TAF4: variants seen among roughly 807,000 people sequenced by gnomAD.
TAF4 encodes transcription initiation factor TFIID subunit 4.
In TAF4, 9 loss-of-function variants were observed where a neutral mutation model predicts 90.3. The ratio of observed to expected loss-of-function variants is 0.10; its 90% CI spans 0.06 to 0.17. The LOEUF is 0.17. TAF4 is among the 10% of genes least tolerant of loss of function. TAF4 has a pLI of 1.00. For missense variants in TAF4, 1,351 were observed against 1,370.7 expected (o/e 0.99, Z 0.23); for synonymous variants, 818 against 638.9 (o/e 1.28, Z -4.23).
intron 1 of TAF4, among the ~76,000 whole-genome samples, chr20:62,038,159 C>T (rs944345028): frequency 5.3e-5 from 8 of 152,040 alleles, no homozygotes; most frequent in African/African-American, 1.7e-4. Context: ...CTCCAGGTGG[C>T]TGGGACTACA....
intron 9 of TAF4, 107 bp from the exon 10 acceptor site, chr20:62,000,828 A>T (rs572930237): frequency 1.6e-6 from 2 of 1,239,946 alleles, no homozygotes; most frequent in East Asian, 4.7e-5. Flanking sequence ...GGCCGTGAGG[A>T]GGCCAGGCCT....
chr20:62,051,947 T>C (rs994291132), intron 1 of TAF4, among the ~76,000 whole-genome samples: 19 of 152,058 alleles, frequency 1.2e-4, no homozygotes, highest in Non-Finnish European at 2.1e-4. Context: ...GGTTGCCGCC[T>C]CCCACCAGGC....
At position 62,064,718 on chromosome 20, in the gene TAF4, C is replaced by T. The variant is rs1261812390; in HGVS notation, c.1093G>A (p.Gly365Ser). Reference protein sequence around the residue: ...PPAAQTLAASGPASTAASMVI... With the variant: ...PPAAQTLAASSPASTAASMVI... ...ATGCTGGCCGCCGTGCTGGCCGGGC[C>T]GCTGGCCGCCAGGGTCTGCGCCGCC... is the stretch of plus-strand genomic sequence containing the variant. The change falls in exon 1 of 15, where the codon GGC (glycine) becomes AGC (serine). Residue 365 changes from glycine to serine, a missense_variant. Coordinates refer to ENST00000252996, the MANE Select transcript of TAF4 (RefSeq NM_003185.4). The T allele has an allele frequency of 8.1e-7, 1 of 1,230,424 alleles. No individual in the cohort carries two copies. Among genetic ancestry groups the T allele is most frequent in the Non-Finnish European group, 1.0e-6 (1 of 988,828 alleles). The allele number at this position is 1,230,424 out of a possible 1,614,324, so 76.2% of individuals were successfully genotyped here. A position where few individuals can be genotyped will look rare whatever the true frequency, so the allele number is the denominator to read the frequency against.
chr20:62,043,521 T>C (rs56806604), intron 1 of TAF4, among the ~76,000 whole-genome samples: 14,991 of 152,164 alleles, frequency 0.099, 1,197 homozygotes, highest in East Asian at 0.44. Context: ...CCCCAGAGCC[T>C]ACAGCAGCAC....
chr20:62,004,333 T>TTTTC (rs2055729989), intron 7 of TAF4, among the ~76,000 whole-genome samples: 1 of 144,588 alleles, frequency 6.9e-6, no homozygotes, highest in African/African-American at 2.5e-5. Context: ...CTTTTCTTTT[T>TTTTC]TTTTTTTTTT....
intron 1 of TAF4, among the ~76,000 whole-genome samples, chr20:62,047,873 T>C (rs2056002536): frequency 6.6e-6 from 1 of 152,206 alleles, no homozygotes; most frequent in African/African-American, 2.4e-5. Context: ...GCAGGTCTAT[T>C]TTTATAAACA....
At chr20:61,993,301 C>G (rs188774898) in intron 14 of TAF4, among the ~76,000 whole-genome samples, 1 of 152,170 alleles carries the variant, frequency 6.6e-6, no homozygotes, top group Admixed American at 6.5e-5. Flanking sequence ...AGCGTCCTGC[C>G]GCAGGGAGGC....
chr20:62,051,877 C>G (rs187662402), intron 1 of TAF4, among the ~76,000 whole-genome samples: 2 of 152,310 alleles, frequency 1.3e-5, no homozygotes, highest in East Asian at 3.9e-4. Flanking sequence ...CCGTGAGGAA[C>G]CTGCACCCAC....
chr20:62,042,899 G>T (rs2892060), intron 1 of TAF4, among the ~76,000 whole-genome samples: 104,975 of 151,628 alleles, frequency 0.69, 36,504 homozygotes, highest in Middle Eastern at 0.78. Flanking sequence ...CCTGAAGACT[G>T]CAGGGAGACG....
chr20:62,013,401 T>C (rs1177822952), intron 2 of TAF4, among the ~76,000 whole-genome samples: 1 of 152,174 alleles, frequency 6.6e-6, no homozygotes, highest in Non-Finnish European at 1.5e-5. Context: ...CCCATGAAGT[T>C]TGTCGGAGAG....
At position 62,014,151 on chromosome 20, in the gene TAF4, G is replaced by A. The variant is rs1305078368; in HGVS notation, c.1521+396C>T. On this transcript the variant is annotated intron_variant, in intron 2 of 14. Transcript: ENST00000252996. ...CTTGGTGCCTTAAAAGTCTCCATGCGGCGCTGGTGGCGGTCCTGCCAGTGG... is the reference window on the plus strand; with the variant it reads ...CTTGGTGCCTTAAAAGTCTCCATGCAGCGCTGGTGGCGGTCCTGCCAGTGG... 3.3e-5 allele frequency among the ~76,000 whole-genome samples: 5 copies of A among 152,136 alleles called. No homozygotes were observed. The South Asian group carries it at 6.2e-4, about 19-fold the overall frequency.
intron 2 of TAF4, 142 bp downstream of exon 2, chr20:62,014,405 A>T (rs2055801259): frequency 9.0e-7 from 1 of 1,113,700 alleles, no homozygotes; most frequent in Non-Finnish European, 1.2e-6. Context: ...CCTAGATGGG[A>T]CGGATGGGAC....
chr20:62,008,781 G>A (rs2055762012), intron 5 of TAF4: 2 of 326,148 alleles, frequency 6.1e-6, no homozygotes, highest in African/African-American at 2.1e-5. Flanking sequence ...GGAGAAGAGA[G>A]CCACAGACAA....
At chr20:62,015,166 C>G (rs2055805454) in intron 1 of TAF4, among the ~76,000 whole-genome samples, 1 of 152,196 alleles carries the variant, frequency 6.6e-6, no homozygotes, top group African/African-American at 2.4e-5. Context: ...CCTGTGACAC[C>G]CAGACCCAAC....
chr20:62,061,668 A>G (rs994002544), intron 1 of TAF4, among the ~76,000 whole-genome samples: 2 of 152,214 alleles, frequency 1.3e-5, no homozygotes, highest in East Asian at 1.9e-4. Flanking sequence ...CAACCTGACT[A>G]TGACGTTATG....
chr20:62,045,428 G>A (rs980087842), intron 1 of TAF4, among the ~76,000 whole-genome samples: 4 of 152,222 alleles, frequency 2.6e-5, no homozygotes, highest in Non-Finnish European at 4.4e-5. Flanking sequence ...AAGCTTCAGA[G>A]AACAGGCGCA....
chr20:62,045,404 G>A (rs1023971336), intron 1 of TAF4, among the ~76,000 whole-genome samples: 1 of 152,208 alleles, frequency 6.6e-6, no homozygotes, highest in Non-Finnish European at 1.5e-5. Context: ...TCAACAGCGC[G>A]CCTGTTTGGG....
At chr20:62,005,631 G>A (rs2144677) in intron 7 of TAF4, 14,640 of 152,236 alleles carry the variant, frequency 0.096, 1,189 homozygotes, top group East Asian at 0.44. Context: ...TTACACAGGC[G>A]CTCAGCCCTT....
Position 62,065,440 on chromosome 20 carries a change from G to C in TAF4, c.371C>G (p.Ala124Gly). 1.0e-6 allele frequency: 1 copy of C among 976,364 alleles called. No individual in the cohort carries two copies. Among genetic ancestry groups the C allele is most frequent in the Non-Finnish European group, 1.2e-6 (1 of 825,370 alleles). 60.5% of individuals were successfully genotyped at this position (976,364 alleles called of 1,614,324 possible). ...GCCCTCGGGCGGCGGCCTCAGCTTC[G>C]CGGCGGGCGGCGCGGGCCCTGCGGG... The part of the protein sequence containing the change: ...LVPAGPAPPA[A>G]KLRPPPEGSA... Residue 124 changes from alanine to glycine, a missense_variant, in exon 1 of 15, where the codon GCG becomes GGG. Ala to Gly is a moderately conservative substitution (Grantham distance 60). Transcript: ENST00000252996.
Sources: gnomAD v4.1 joint callset for allele counts (sites outside exome capture counted in the v4.1 genomes callset) on GRCh38, gnomAD v4.1.1 for gene constraint, MANE v1.5 for transcripts, NCBI Gene and HGNC (gene_info 2026-07-23, HGNC 2026-07-21) for gene names.